CDC42SE2: variants seen among roughly 807,000 people sequenced by gnomAD.
The protein encoded by CDC42SE2 is CDC42 small effector protein 2.
A neutral mutation model predicts 11.5 loss-of-function variants in CDC42SE2; 3 were observed. The ratio of observed to expected loss-of-function variants is 0.26; its 90% CI spans 0.12 to 0.67. The LOEUF (loss-of-function observed/expected upper bound fraction) is 0.67, where lower values mean the gene tolerates loss of function less well. CDC42SE2 is among the 30% of genes least tolerant of loss of function. The pLI is 0.80. For missense variants in CDC42SE2, 82 were observed against 106.8 expected, an observed-to-expected ratio of 0.77 and a Z score of 1.02; for synonymous variants, 33 against 34.8, an observed-to-expected ratio of 0.95 and a Z score of 0.18.
At chr5:131,380,354 C>CCAGGCTGGT (rs1386689014) in intron 3 of CDC42SE2, among the ~76,000 whole-genome samples, 1 of 152,024 alleles carries the variant, frequency 6.6e-6, no homozygotes, top group East Asian at 1.9e-4. Context: ...GCCATGTTGG[C>CCAGGCTGGT]CAGGCTGGTC....
chr5:131,357,806 C>T lies in CDC42SE2; in HGVS notation c.-285-1403C>T, dbSNP rs577436510. Among the ~76,000 whole-genome samples, 8 of 152,286 alleles carry T rather than the reference C, an allele frequency of 5.3e-5. No homozygotes were observed. The East Asian group carries it at 1.5e-3, about 29-fold the overall frequency. ...CTTGTTGACTCTGCTGCTTTCCTTTCACTCACTTAACCTCCTGTAATCTGA... is the reference window on the plus strand; with the variant it reads ...CTTGTTGACTCTGCTGCTTTCCTTTTACTCACTTAACCTCCTGTAATCTGA... On this transcript the variant is annotated intron_variant, in intron 2 of 4. Transcript: ENST00000505065.
intron 3 of CDC42SE2, among the ~76,000 whole-genome samples, chr5:131,375,367 A>C (rs965577923): frequency 5.9e-5 from 9 of 152,246 alleles, no homozygotes; most frequent in African/African-American, 1.7e-4. Flanking sequence ...CACCACACTT[A>C]AGATTGAATT....
chr5:131,290,807 G>A lies in CDC42SE2; in HGVS notation c.-454-25169G>A, dbSNP rs893313604. Among the ~76,000 whole-genome samples, 5 of 151,978 alleles carry A rather than the reference G, an allele frequency of 3.3e-5. No homozygotes were observed. The East Asian group carries it at 7.7e-4, about 23-fold the overall frequency. On this transcript the variant is annotated intron_variant, in intron 1 of 4. Transcript: ENST00000505065. ...AACTGACTTTTATGATGAAACCAGC[G>A]TAGTTTTTATAGTACTTTACAGGCC...
intron 2 of CDC42SE2, among the ~76,000 whole-genome samples, chr5:131,342,290 A>T (rs1758729468): frequency 6.6e-6 from 1 of 151,768 alleles, no homozygotes; most frequent in Admixed American, 6.6e-5. Flanking sequence ...AAAAAAAAAA[A>T]AAAAGGTAAA....
At chr5:131,323,252 C>T (rs1215088715) in intron 2 of CDC42SE2, among the ~76,000 whole-genome samples, 1 of 151,688 alleles carries the variant, frequency 6.6e-6, no homozygotes, top group Non-Finnish European at 1.5e-5. Flanking sequence ...TCTCAAACTC[C>T]TGGGCTCGAG....
rs1749816075 is a variant in CDC42SE2, at chr5:131,365,135, CA to C, written c.54+5594del. 3.3e-5 allele frequency among the ~76,000 whole-genome samples: 5 copies of C among 152,042 alleles called. No homozygotes were observed. In the South Asian group the frequency reaches 1.0e-3, roughly 32 times the overall value. On this transcript the variant is annotated intron_variant, in intron 3 of 4. Coordinates refer to ENST00000505065, the MANE Select transcript of CDC42SE2 (RefSeq NM_001375635.1). Reference sequence around the variant, plus strand: ...TGAAACCCTGTCTCTACTAAAAATACAAAAAATAGCTGGGCGTGGTGTCGCA... The same window carrying C: ...TGAAACCCTGTCTCTACTAAAAATACAAAAATAGCTGGGCGTGGTGTCGCA...
intron 2 of CDC42SE2, among the ~76,000 whole-genome samples, chr5:131,258,883 A>T (rs1756701348): frequency 6.6e-6 from 1 of 152,148 alleles, no homozygotes; most frequent in Non-Finnish European, 1.5e-5. Context: ...TTTATACTGA[A>T]TTTTTCCACA....
the CDC42SE2 span, among the ~76,000 whole-genome samples, chr5:131,219,462 CAA>C: frequency 2.0e-5 from 3 of 152,076 alleles, no homozygotes; most frequent in Non-Finnish European, 4.4e-5. Flanking sequence ...CCTTTAAACT[CAA>C]AATAAAGTCT....
chr5:131,278,716 CCTCCCCT>C (rs1757159764), intron 1 of CDC42SE2, among the ~76,000 whole-genome samples: 2 of 52,630 alleles, frequency 3.8e-5, no homozygotes, highest in African/African-American at 8.9e-5. Flanking sequence ...TTTCCTCTCC[CCTCCCCT>C]CCCCCCTCCC....
chr5:131,222,468 G>A, the CDC42SE2 span, among the ~76,000 whole-genome samples: 1 of 152,116 alleles, frequency 6.6e-6, no homozygotes, highest in Non-Finnish European at 1.5e-5. Flanking sequence ...ACAGCACCTG[G>A]CACATTATAA....
chr5:131,267,191 A>G (rs1409998183), intron 1 of CDC42SE2, among the ~76,000 whole-genome samples: 2 of 151,464 alleles, frequency 1.3e-5, no homozygotes, highest in Non-Finnish European at 2.9e-5. Flanking sequence ...AGTAGCTGGG[A>G]CTACAGGTGT....
At chr5:131,357,602 A>G (rs1266506372) in intron 2 of CDC42SE2, among the ~76,000 whole-genome samples, 8 of 152,240 alleles carry the variant, frequency 5.3e-5, no homozygotes, top group Non-Finnish European at 1.2e-4. Context: ...TCCAGAATTT[A>G]CAAATAAGTG....
intron 2 of CDC42SE2, chr5:131,354,654 GA>G (rs1480669573): frequency 6.6e-6 from 1 of 151,738 alleles, no homozygotes; most frequent in African/African-American, 2.4e-5. Flanking sequence ...TTTCTAGATA[GA>G]TTTTAGGCTG....
At chr5:131,297,904 A>C (rs1167935350) in intron 1 of CDC42SE2, among the ~76,000 whole-genome samples, 4 of 151,984 alleles carry the variant, frequency 2.6e-5, no homozygotes, top group African/African-American at 9.7e-5. Context: ...GACTCTCCCT[A>C]TTTCCAATCT....
At chr5:131,329,998 A>G (rs935451176) in intron 2 of CDC42SE2, among the ~76,000 whole-genome samples, 17 of 149,592 alleles carry the variant, frequency 1.1e-4, no homozygotes, top group East Asian at 2.0e-4. Flanking sequence ...CAATTATTCT[A>G]TTATATCTCT....
chr5:131,217,608 CAAT>C, the CDC42SE2 span, among the ~76,000 whole-genome samples: 5 of 151,876 alleles, frequency 3.3e-5, no homozygotes, highest in African/African-American at 1.2e-4. Flanking sequence ...AAAGAGAAAA[CAAT>C]AAAACTTTTA....
intron 1 of CDC42SE2, among the ~76,000 whole-genome samples, chr5:131,274,685 G>A (rs1448256156): frequency 2.6e-5 from 4 of 152,104 alleles, no homozygotes; most frequent in African/African-American, 7.2e-5. Context: ...ACCCTTCATC[G>A]TCTGTACGTC....
chr5:131,389,409 A>G (rs1271132508), intron 4 of CDC42SE2, among the ~76,000 whole-genome samples: 2 of 152,228 alleles, frequency 1.3e-5, no homozygotes, highest in Non-Finnish European at 2.9e-5. Flanking sequence ...TAATCTGACT[A>G]TTATAGCAAT....
At chr5:131,370,437 G>A (rs539222684) in intron 3 of CDC42SE2, among the ~76,000 whole-genome samples, 2 of 151,852 alleles carry the variant, frequency 1.3e-5, no homozygotes, top group South Asian at 4.2e-4. Flanking sequence ...CTCTTAACTG[G>A]AAGATTTCTT....
Sources: gnomAD v4.1 joint callset for allele counts (sites outside exome capture counted in the v4.1 genomes callset) on GRCh38, gnomAD v4.1.1 for gene constraint, MANE v1.5 for transcripts, NCBI Gene and HGNC (gene_info 2026-07-23, HGNC 2026-07-21) for gene names.